PLPP3: variants seen among roughly 807,000 people sequenced by gnomAD.
PLPP3 encodes phospholipid phosphatase 3, also known as PAP2 beta.
PLPP3 carries 6 observed loss-of-function variants against 29.6 expected under a neutral mutation model. That is an observed-to-expected ratio of 0.20 (90% CI 0.11 to 0.40). The LOEUF is 0.40. Among genes scored for constraint, PLPP3 ranks in the 10% least tolerant of loss-of-function variants. The pLI, the probability that PLPP3 is intolerant of heterozygous loss-of-function variation, is 1.00. For missense variants in PLPP3, 308 were observed against 407.7 expected (o/e 0.76, Z 2.11); for synonymous variants, 152 against 159.7 (o/e 0.95, Z 0.36).
intron 1 of PLPP3, among the ~76,000 whole-genome samples, chr1:56,550,369 T>C (rs1186812053): frequency 6.6e-6 from 1 of 152,168 alleles, no homozygotes; most frequent in Non-Finnish European, 1.5e-5. Flanking sequence ...AAGCCACTGC[T>C]GGGTAATGCA....
chr1:56,570,348 G>C (rs1646189494), intron 1 of PLPP3, among the ~76,000 whole-genome samples: 3 of 152,160 alleles, frequency 2.0e-5, no homozygotes, highest in African/African-American at 7.2e-5. Flanking sequence ...CGCTTATAAT[G>C]ATTTGCATTT....
chr1:56,552,251 G>GAGAT (rs1006965989), intron 1 of PLPP3, among the ~76,000 whole-genome samples: 1 of 151,228 alleles, frequency 6.6e-6, no homozygotes, highest in African/African-American at 2.4e-5. Flanking sequence ...GAAAGAAGGA[G>GAGAT]AGATAGATAG....
intron 1 of PLPP3, among the ~76,000 whole-genome samples, chr1:56,576,300 T>C (rs1484615935): frequency 6.6e-6 from 1 of 152,086 alleles, no homozygotes; most frequent in Non-Finnish European, 1.5e-5. Flanking sequence ...ATCCAGACCA[T>C]ATGATCAATA....
At chr1:56,508,705 C>T (rs1569866011) in intron 5 of PLPP3, among the ~76,000 whole-genome samples, 3 of 152,268 alleles carry the variant, frequency 2.0e-5, no homozygotes, top group African/African-American at 7.2e-5. Flanking sequence ...CTGCTTGGCA[C>T]GTGACAGCTA....
intron 1 of PLPP3, among the ~76,000 whole-genome samples, chr1:56,576,310 A>T (rs1211281452): frequency 6.6e-6 from 1 of 152,210 alleles, no homozygotes; most frequent in Non-Finnish European, 1.5e-5. Context: ...TATGATCAAT[A>T]AACTATATAA....
At chr1:56,517,147 C>A (rs1242803723) in intron 4 of PLPP3, 1 of 152,236 alleles carries the variant, frequency 6.6e-6, no homozygotes, top group Non-Finnish European at 1.5e-5. Flanking sequence ...GACAGCTCCG[C>A]TAAGAGTGAA....
At chr1:56,557,496 C>A (rs1449280696) in intron 1 of PLPP3, among the ~76,000 whole-genome samples, 2 of 152,120 alleles carry the variant, frequency 1.3e-5, no homozygotes, top group Non-Finnish European at 2.9e-5. Context: ...AGAATCGTAT[C>A]TTTTAACTTC....
At chr1:56,496,777 GC>G in intron 5 of PLPP3, 101 bp from the exon 6 acceptor site, 1 of 1,319,900 alleles carries the variant, frequency 7.6e-7, no homozygotes, top group Non-Finnish European at 1.0e-6. Flanking sequence ...AGGAAAAGGG[GC>G]CCCAAATCAT....
chr1:56,532,599 A>G (rs1299802107), intron 2 of PLPP3, among the ~76,000 whole-genome samples: 9 of 152,314 alleles, frequency 5.9e-5, no homozygotes, highest in Admixed American at 4.6e-4. Flanking sequence ...TGCATGTGGT[A>G]CAGAGTGTGT....
At chr1:56,548,790 C>A (rs905832569) in intron 1 of PLPP3, among the ~76,000 whole-genome samples, 14 of 152,110 alleles carry the variant, frequency 9.2e-5, no homozygotes, top group African/African-American at 3.4e-4. Flanking sequence ...GCATGCAATA[C>A]CTATTTACTG....
chr1:56,540,884 T>C (rs185862797), intron 1 of PLPP3, among the ~76,000 whole-genome samples: 6 of 152,160 alleles, frequency 3.9e-5, no homozygotes, highest in Non-Finnish European at 7.4e-5. Context: ...GAAGAGGCTG[T>C]TCTTCTCCAA....
At chr1:56,506,526 G>C (rs1049559625) in intron 5 of PLPP3, among the ~76,000 whole-genome samples, 1 of 152,160 alleles carries the variant, frequency 6.6e-6, no homozygotes, top group African/African-American at 2.4e-5. Context: ...GTGTATTTAC[G>C]AAATCCATGA....
intron 4 of PLPP3, among the ~76,000 whole-genome samples, chr1:56,523,591 CA>C (rs1313020612): frequency 1.3e-5 from 2 of 152,162 alleles, no homozygotes; most frequent in African/African-American, 4.8e-5. Context: ...GCTTATCAAG[CA>C]GCTATGGCAA....
chr1:56,556,988 A>G (rs1398175782), intron 1 of PLPP3, among the ~76,000 whole-genome samples: 1 of 6,754 alleles, frequency 1.5e-4, no homozygotes, highest in African/African-American at 4.3e-4. Flanking sequence ...GAAAGAAAGA[A>G]AGAAAGAAAG....
chr1:56,541,813 C>A (rs1645971565), intron 1 of PLPP3, among the ~76,000 whole-genome samples: 1 of 152,106 alleles, frequency 6.6e-6, no homozygotes, highest in Non-Finnish European at 1.5e-5. Flanking sequence ...TCAGAACAAT[C>A]AAGGGAATGG....
intron 1 of PLPP3, among the ~76,000 whole-genome samples, chr1:56,547,835 G>T (rs1646015988): frequency 6.6e-6 from 1 of 152,088 alleles, no homozygotes; most frequent in African/African-American, 2.4e-5. Flanking sequence ...CTCAGACCTG[G>T]GTTTGAAAAC....
At chr1:56,512,214 C>G in intron 4 of PLPP3, 62 bp from the exon 5 acceptor site, 3 of 1,386,020 alleles carry the variant, frequency 2.2e-6, no homozygotes, top group Non-Finnish European at 2.9e-6. Context: ...TGCACTATAA[C>G]CCCAGGTGAC....
At chr1:56,545,063 A>G (rs1244181310) in intron 1 of PLPP3, among the ~76,000 whole-genome samples, 1 of 152,242 alleles carries the variant, frequency 6.6e-6, no homozygotes, top group Non-Finnish European at 1.5e-5. Context: ...TTATCTTTCA[A>G]GACTTAAATA....
intron 1 of PLPP3, among the ~76,000 whole-genome samples, chr1:56,551,119 T>C (rs1201015504): frequency 6.6e-6 from 1 of 152,108 alleles, no homozygotes; most frequent in East Asian, 1.9e-4. Context: ...GGAAACTCTA[T>C]AATATAATGT....
Sources: gnomAD v4.1 joint callset for allele counts (sites outside exome capture counted in the v4.1 genomes callset) on GRCh38, gnomAD v4.1.1 for gene constraint, MANE v1.5 for transcripts, NCBI Gene and HGNC (gene_info 2026-07-23, HGNC 2026-07-21) for gene names.